RARB: variants seen among roughly 807,000 people sequenced by gnomAD.
The protein encoded by RARB is retinoic acid receptor beta, also known as HBV-activated protein.
Under a neutral mutation model 51.9 loss-of-function variants are expected in RARB, and 17 were observed. That is an observed-to-expected ratio of 0.33 (90% CI 0.22 to 0.49). The LOEUF (loss-of-function observed/expected upper bound fraction) is 0.49. RARB is among the 20% of genes least tolerant of loss of function. RARB has a pLI of 0.99. For missense variants in RARB, 369 were observed against 550.8 expected, an observed-to-expected ratio of 0.67 and a Z score of 3.30; for synonymous variants, 215 against 195.4, an observed-to-expected ratio of 1.10 and a Z score of -0.84.
At chr3:24,939,169 A>T (rs1695607158) in intron 2 of RARB, among the ~76,000 whole-genome samples, 1 of 152,126 alleles carries the variant, frequency 6.6e-6, no homozygotes, top group Non-Finnish European at 1.5e-5. Flanking sequence ...TTTTTAGTAG[A>T]AACTGGGTTT....
intron 3 of RARB, among the ~76,000 whole-genome samples, chr3:25,535,411 C>CTTTTTTTTTT (rs3074714): frequency 1.4e-5 from 2 of 138,286 alleles, no homozygotes; most frequent in African/African-American, 2.7e-5. Context: ...GTCCTTATCT[C>CTTTTTTTTTT]TTTTTTTTTT....
chr3:25,268,362 C>T (rs1404005437), intron 5 of RARB, among the ~76,000 whole-genome samples: 2 of 148,294 alleles, frequency 1.3e-5, no homozygotes, highest in Non-Finnish European at 3.0e-5. Flanking sequence ...GTTCATGGCA[C>T]TTCTGATTCA....
In RARB at chr3:25,152,911, G is replaced by A. The variant is rs17015874; in HGVS notation, c.-280+20703G>A. On this transcript the variant is annotated intron_variant, in intron 4 of 11. Coordinates refer to the RARB transcript ENST00000383772. ...TGCTTCCAAGAAAATCTAAAACTTC[G>A]GAAAATAGGTGGACTGCAGTGTTTG... 5.8e-3 allele frequency among the ~76,000 whole-genome samples: 878 copies of A among 152,164 alleles called. 8 individuals carry two copies. The highest frequency in any genetic ancestry group is 0.017 in the African/African-American group (713 of 41,520).
At position 25,114,479 on chromosome 3, in the gene RARB, T is replaced by C. The variant is rs540561028; in HGVS notation, c.-327-17682T>C. Among the ~76,000 whole-genome samples, 3 of 152,296 alleles carry C rather than the reference T, an allele frequency of 2.0e-5. No homozygotes were observed. In the South Asian group the frequency reaches 6.2e-4, roughly 32 times the overall value. On this transcript the variant is annotated intron_variant, in intron 3 of 11. Coordinates refer to the RARB transcript ENST00000383772. ...AAATGATGATCCCATCTTGTAGGGA[T>C]TTTACTTTGTGCTCCAGGATGTGTA...
intron 3 of RARB, among the ~76,000 whole-genome samples, chr3:25,106,994 G>A (rs1012058172): frequency 2.6e-5 from 4 of 151,654 alleles, no homozygotes; most frequent in Admixed American, 6.6e-5. Flanking sequence ...TCCGCCTCCC[G>A]GGTTCAAGCA....
chr3:25,496,729 T>A (rs1238666338), intron 2 of RARB, among the ~76,000 whole-genome samples: 2 of 152,242 alleles, frequency 1.3e-5, no homozygotes, highest in Non-Finnish European at 2.9e-5. Flanking sequence ...CATCCATGTA[T>A]GCTTAGATCA....
At chr3:25,146,503 G>GTTT (rs1364462708) in intron 4 of RARB, among the ~76,000 whole-genome samples, 166 of 73,568 alleles carry the variant, frequency 2.3e-3, no homozygotes, top group East Asian at 6.3e-3. Flanking sequence ...TTTTTTGTTT[G>GTTT]TTTGTTTGTT....
At chr3:25,184,591 C>A (rs1034023112) in intron 5 of RARB, among the ~76,000 whole-genome samples, 1 of 152,048 alleles carries the variant, frequency 6.6e-6, no homozygotes, top group Non-Finnish European at 1.5e-5. Flanking sequence ...CAGACCCAGT[C>A]TGTGTTCTTG....
intron 5 of RARB, among the ~76,000 whole-genome samples, chr3:25,291,476 CTTTTTT>C (rs199605013): frequency 8.0e-6 from 1 of 125,380 alleles, no homozygotes; most frequent in Non-Finnish European, 1.7e-5. Context: ...CAGATGTTTG[CTTTTTT>C]TTTTTTTTTT....
chr3:25,448,676 A>G (rs1709056873), intron 1 of RARB, among the ~76,000 whole-genome samples: 2 of 152,196 alleles, frequency 1.3e-5, no homozygotes, highest in Admixed American at 1.3e-4. Flanking sequence ...CATGTTGGTC[A>G]GGCTGGTCTC....
At chr3:25,364,981 A>G (rs912608350) in intron 5 of RARB, among the ~76,000 whole-genome samples, 3 of 152,084 alleles carry the variant, frequency 2.0e-5, no homozygotes, top group African/African-American at 2.4e-5. Context: ...TCTGATTACT[A>G]TTAGTATCAT....
chr3:25,392,336 T>G (rs1237451495), intron 5 of RARB, among the ~76,000 whole-genome samples: 1 of 152,118 alleles, frequency 6.6e-6, no homozygotes, highest in Non-Finnish European at 1.5e-5. Context: ...GCCTCCAGAT[T>G]TGTTGTTTTT....
In RARB at chr3:24,968,994, T is replaced by C. The variant is rs1195591728; in HGVS notation, c.-379-91131T>C. ...GGTACATTTGGTCATCTTTTTTTTT[T>C]CCTTAGAGTAAGACTTTCTACAATC... On this transcript the variant is annotated intron_variant, in intron 2 of 11. Transcript: ENST00000383772. Among the ~76,000 whole-genome samples the C allele has an allele frequency of 5.3e-5, 8 of 152,102 alleles. No individual in the cohort carries two copies. The South Asian group carries it at 1.0e-3, about 20-fold the overall frequency.
At chr3:25,305,250 TTAACTG>T (rs1470969571) in intron 5 of RARB, among the ~76,000 whole-genome samples, 3 of 152,082 alleles carry the variant, frequency 2.0e-5, no homozygotes, top group Non-Finnish European at 4.4e-5. Context: ...GTGTGTGAGT[TTAACTG>T]TAGGAGGAGA....
At chr3:25,207,848 A>T (rs982740407) in intron 5 of RARB, among the ~76,000 whole-genome samples, 3 of 152,222 alleles carry the variant, frequency 2.0e-5, no homozygotes, top group African/African-American at 7.2e-5. Flanking sequence ...AAACTAGGTA[A>T]TTTATAGAGA....
chr3:25,209,987 A>G (rs1701650586), intron 5 of RARB, among the ~76,000 whole-genome samples: 2 of 152,112 alleles, frequency 1.3e-5, no homozygotes, highest in Admixed American at 1.3e-4. Context: ...CTGACATATT[A>G]CTATAGCCAA....
At chr3:24,925,096 A>T (rs115776289) in intron 2 of RARB, among the ~76,000 whole-genome samples, 3,035 of 152,210 alleles carry the variant, frequency 0.02, 59 homozygotes, top group Middle Eastern at 0.065. Flanking sequence ...TTCTTTTCGC[A>T]GCCCTCTCAT....
At chr3:25,037,800 A>G (rs1182938689) in intron 2 of RARB, among the ~76,000 whole-genome samples, 7 of 152,162 alleles carry the variant, frequency 4.6e-5, no homozygotes, top group African/African-American at 1.7e-4. Flanking sequence ...TGAACTTACA[A>G]CAGGGAAGTA....
At chr3:25,212,756 T>G (rs1267457876) in intron 5 of RARB, among the ~76,000 whole-genome samples, 1 of 19,556 alleles carries the variant, frequency 5.1e-5, no homozygotes, top group Admixed American at 1.0e-3. Context: ...TATTTTCCAC[T>G]TTTTTTGTGA....
Sources: allele counts gnomAD v4.1 joint callset (sites outside exome capture counted in the v4.1 genomes callset), GRCh38; gene constraint gnomAD v4.1.1; transcripts MANE v1.5; gene names NCBI Gene and HGNC (gene_info 2026-07-23, HGNC 2026-07-21).